LENG8: variants seen among roughly 807,000 people sequenced by gnomAD.
LENG8 encodes the protein leukocyte receptor cluster (LRC) member 8.
Under a neutral mutation model 102.1 loss-of-function variants are expected in LENG8, and 28 were observed. That is an observed-to-expected ratio of 0.27 (90% confidence interval 0.20 to 0.38). The LOEUF (loss-of-function observed/expected upper bound fraction) is 0.38, where lower values mean the gene tolerates loss of function less well. Ranked by LOEUF, LENG8 falls within the 10% of genes least tolerant of loss-of-function variation. The pLI is 1.00. For synonymous variants in LENG8, 531 were observed against 456.7 expected (o/e 1.16, Z -2.07); for missense variants, 1,022 against 1,113.9 (o/e 0.92, Z 1.17).
chr19:54,453,782 C>T, intron 5 of LENG8, 126 bp downstream of exon 5: 1 of 682,828 alleles, frequency 1.5e-6, no homozygotes, highest in Admixed American at 2.7e-5. Flanking sequence ...AACTCCTGAT[C>T]TGAAAATGAG....
intron 3 of LENG8, 116 bp downstream of exon 3, chr19:54,452,383 G>A (rs1599957437): frequency 2.5e-5 from 23 of 926,514 alleles, no homozygotes; most frequent in East Asian, 2.1e-4. Context: ...ATGAAAAGAC[G>A]TTCCAGGGTA....
At position 54,458,147 on chromosome 19, in the gene LENG8, G is replaced by T. The variant is rs754432191; in HGVS notation, c.1947G>T (p.Ser649=). The T allele has an allele frequency of 9.9e-6, 16 of 1,613,874 alleles. No individual in the cohort carries two copies. Among genetic ancestry groups the T allele is most frequent in the Non-Finnish European group, 1.4e-5 (16 of 1,180,048 alleles). ...EFNQCQTQLK[S]LYAENLPGNV... is the part of the protein sequence containing the mutation. Reference sequence around the variant, plus strand: ...ACCAGTGCCAGACGCAGCTCAAGTCGCTGTACGCCGAGAACTTGCCTGGCA... The same window carrying T: ...ACCAGTGCCAGACGCAGCTCAAGTCTCTGTACGCCGAGAACTTGCCTGGCA... Residue 649 remains serine (S), a synonymous_variant, in exon 14 of 16, where the codon TCG becomes TCT. Transcript: ENST00000326764.
chr19:54,460,107 C>G (rs1366975804), intron 15 of LENG8: 16 of 1,289,806 alleles, frequency 1.2e-5, no homozygotes, highest in Non-Finnish European at 1.3e-5. Flanking sequence ...GGGCTCTGAT[C>G]CCAGGGCTTC....
intron 1 of LENG8, among the ~76,000 whole-genome samples, chr19:54,450,131 T>C (rs182559717): frequency 3.3e-5 from 5 of 152,344 alleles, no homozygotes; most frequent in African/African-American, 1.2e-4. Flanking sequence ...TCTTAATTCG[T>C]TGAACATGTT....
chr19:54,457,567 C>T (rs966228253), intron 11 of LENG8, among the ~76,000 whole-genome samples, 180 bp from the exon 12 acceptor site: 1 of 152,122 alleles, frequency 6.6e-6, no homozygotes, highest in Non-Finnish European at 1.5e-5. Context: ...TCTCAAACTC[C>T]TGACCTCAGA....
intron 1 of LENG8, among the ~76,000 whole-genome samples, chr19:54,450,494 C>T (rs11879385): frequency 0.11 from 17,408 of 152,100 alleles, 1,869 homozygotes; most frequent in African/African-American, 0.29. Flanking sequence ...CCTGAAAGGC[C>T]TCCCTTTTCA....
At chr19:54,450,714 G>A (rs924208850) in intron 1 of LENG8, among the ~76,000 whole-genome samples, 3 of 148,134 alleles carry the variant, frequency 2.0e-5, no homozygotes, top group Admixed American at 6.9e-5. Flanking sequence ...TCCGCCTCCC[G>A]TGTTCAAGCG....
In LENG8 at chr19:54,449,223, C is replaced by G. The variant is rs1208985548; in HGVS notation, c.-143C>G. 1 of 152,496 alleles carries G rather than the reference C, an allele frequency of 6.6e-6. No individual in the cohort carries two copies. The highest frequency in any genetic ancestry group is 1.5e-5 in the Non-Finnish European group (1 of 68,230). The allele number at this position is 152,496 out of a possible 1,614,324, so 9.4% of individuals were successfully genotyped here. On this transcript the variant is annotated 5_prime_UTR_variant, in exon 1 of 16. Transcript: ENST00000326764. ...ACGTCGAAGCCAAAGAAGACCAGAG[C>G]CAGCCGGGTGGCACAGCGGTGTCGT...
At chr19:54,457,115 C>T (rs996500088) in intron 11 of LENG8, among the ~76,000 whole-genome samples, 194 bp downstream of exon 11, 9 of 152,244 alleles carry the variant, frequency 5.9e-5, no homozygotes, top group East Asian at 3.9e-4. Context: ...CCCCGCGTGG[C>T]GGGTGTGCAG....
chr19:54,454,342 G>C, intron 5 of LENG8, 88 bp from the exon 6 acceptor site: 3 of 1,367,244 alleles, frequency 2.2e-6, no homozygotes, highest in Non-Finnish European at 2.0e-6. Context: ...TGAGTGCTGT[G>C]ACCACTGCGT....
At position 54,452,260 on chromosome 19, in the gene LENG8, G is replaced by T. The variant is rs1407225971; in HGVS notation, c.206G>T (p.Ser69Ile). 1.9e-6 allele frequency: 3 copies of T among 1,609,620 alleles called. No homozygotes were observed. Among genetic ancestry groups the T allele is most frequent in the Non-Finnish European group, 2.5e-6 (3 of 1,177,030 alleles). Residue 69 changes from serine to isoleucine, a missense_variant, in exon 3 of 16, where the codon AGT (serine) becomes ATT (isoleucine). Physicochemically the swap from Ser to Ile is moderately radical, Grantham distance 142. Transcript: ENST00000326764. ...AKSSSNGPVASAQYVSQAEAS... is the reference protein window; with the variant it reads ...AKSSSNGPVAIAQYVSQAEAS... ...TCCAGCAGCAATGGGCCTGTGGCCA[G>T]TGCACAGGTGAGAAGGCCTCATGGG...
intron 8 of LENG8, 118 bp from the exon 9 acceptor site, chr19:54,455,849 C>T (rs2123130820): frequency 8.8e-7 from 1 of 1,133,376 alleles, no homozygotes; most frequent in East Asian, 2.6e-5. Context: ...AGTAGCTGAG[C>T]CGCCTGGGGT....
rs763487701 is a variant in LENG8, at chr19:54,455,549, G to A, written c.1007G>A (p.Ser336Asn). 4.4e-5 allele frequency: 71 copies of A among 1,611,776 alleles called. No individual in the cohort carries two copies. Among genetic ancestry groups the A allele is most frequent in the Non-Finnish European group, 6.0e-5 (71 of 1,179,656 alleles). ...GGCTCGGCCTATACCATTGACTGGA[G>A]CCGGGAGCCCTTGCCGGGGTTAGTC... ...QDGSAYTIDW[S>N]REPLPGLTRE... Residue 336 changes from serine to asparagine, a missense_variant, in exon 8 of 16, where the codon AGC becomes AAC. Ser to Asn is a conservative substitution (Grantham distance 46). Coordinates refer to ENST00000326764, the MANE Select transcript of LENG8 (RefSeq NM_052925.4).
chr19:54,451,411 G>C (rs1327838691), intron 2 of LENG8, 29 bp downstream of exon 2: 2 of 1,612,494 alleles, frequency 1.2e-6, no homozygotes, highest in East Asian at 4.5e-5. Context: ...ATGGAGGCCA[G>C]TCGGGAGGGA....
chr19:54,461,915 C>T lies in LENG8; in HGVS notation c.*987C>T. 4.5e-6 allele frequency: 4 copies of T among 879,846 alleles called. No homozygotes were observed. Among genetic ancestry groups the T allele is most frequent in the Admixed American group, 3.5e-5 (2 of 57,380 alleles). 54.5% of individuals were successfully genotyped at this position (879,846 alleles called of 1,614,324 possible). On this transcript the variant is annotated 3_prime_UTR_variant, in exon 16 of 16. Transcript: ENST00000326764. ...GATGTTCCTCCTCTGCCTCCCCTTC[C>T]CCTCCTCTCCCCTCCTTTTCCTTCC...
At chr19:54,451,020 C>G (rs1171222782) in intron 1 of LENG8, among the ~76,000 whole-genome samples, 3 of 151,586 alleles carry the variant, frequency 2.0e-5, no homozygotes, top group African/African-American at 7.3e-5. Flanking sequence ...TCAGACCCTT[C>G]TCCTTCCCTT....
At position 54,461,356 on chromosome 19, in the gene LENG8, A is replaced by G. The variant is rs1400219372; in HGVS notation, c.*428A>G. 4.4e-6 allele frequency: 2 copies of G among 457,708 alleles called. No individual in the cohort carries two copies. The highest frequency in any genetic ancestry group is 2.4e-5 in the Admixed American group (1 of 42,186). 28.4% of individuals were successfully genotyped at this position (457,708 alleles called of 1,614,324 possible). On this transcript the variant is annotated 3_prime_UTR_variant, in exon 16 of 16. Coordinates refer to ENST00000326764, the MANE Select transcript of LENG8 (RefSeq NM_052925.4). ...GTGCCCGCCTGCGGCGGGGGCACCC[A>G]GCAAGCCCGCCCACCGCCCGCTGCC...
In LENG8 at chr19:54,456,474, G is replaced by C. The variant is rs371520993; in HGVS notation, c.1445+9G>C. ...GCGCAGCGTGGGAAGAGGTGAGACT[G>C]TGTGAGGGCTCGACACACGGGCCAG... On this transcript the variant is annotated intron_variant, in intron 10 of 15. Coordinates refer to ENST00000326764, the MANE Select transcript of LENG8 (RefSeq NM_052925.4). 1.2e-4 allele frequency: 193 copies of C among 1,599,316 alleles called. No homozygotes were observed. Among genetic ancestry groups the C allele is most frequent in the Non-Finnish European group, 1.6e-4 (184 of 1,175,876 alleles).
Position 54,452,105 on chromosome 19 carries a change from C to T in LENG8, c.51C>T (p.Tyr17=). Residue 17 remains tyrosine, a synonymous_variant, in exon 3 of 16, where the codon TAC becomes TAT. Coordinates refer to ENST00000326764, the MANE Select transcript of LENG8 (RefSeq NM_052925.4). Reference sequence around the variant, plus strand: ...TCTCTCTCTGCAGGTCTTCTCAGTACAGCATGGTGGCTGGGGCAGGCCGAG... The same window carrying T: ...TCTCTCTCTGCAGGTCTTCTCAGTATAGCATGGTGGCTGGGGCAGGCCGAG... The part of the protein sequence containing the change: ...DQRSTDWSSQ[Y]SMVAGAGREN... The T allele has an allele frequency of 6.2e-7, 1 of 1,613,512 alleles. No individual in the cohort carries two copies. Among genetic ancestry groups the T allele is most frequent in the Non-Finnish European group, 8.5e-7 (1 of 1,179,652 alleles).
Sources: gnomAD v4.1 joint callset for allele counts (sites outside exome capture counted in the v4.1 genomes callset) on GRCh38, gnomAD v4.1.1 for gene constraint, MANE v1.5 for transcripts, NCBI Gene and HGNC (gene_info 2026-07-23, HGNC 2026-07-21) for gene names.